Variants in PDE11A observed in about 807,000 individuals in gnomAD.
PDE11A encodes the protein phosphodiesterase 11A, also known as dual 3',5'-cyclic-AMP and -GMP phosphodiesterase 11A.
In PDE11A, 100 loss-of-function variants were observed where a neutral mutation model predicts 100.5. The ratio of observed to expected loss-of-function variants is 1.00; its 90% CI spans 0.85 to 1.18. The LOEUF (loss-of-function observed/expected upper bound fraction) is 1.18, where lower values mean the gene tolerates loss of function less well. Ranked by LOEUF, PDE11A falls within the 50% of genes most tolerant of loss-of-function variation. The probability of loss-of-function intolerance (pLI) is 0.00; values close to 1 mark genes in which losing one functional copy is unlikely to be tolerated. For missense variants in PDE11A, 1,141 were observed against 1,152.6 expected, an observed-to-expected ratio of 0.99 and a Z score of 0.15; for synonymous variants, 381 against 420.8, an observed-to-expected ratio of 0.91 and a Z score of 1.16.
chr2:178,051,552 A>C (rs1034914324), intron 1 of PDE11A, among the ~76,000 whole-genome samples: 1 of 152,222 alleles, frequency 6.6e-6, no homozygotes, highest in South Asian at 2.1e-4. Flanking sequence ...ATTAAAAGAC[A>C]CAGACTGGCA....
chr2:177,774,975 T>C (rs990141185), intron 9 of PDE11A, among the ~76,000 whole-genome samples: 1 of 152,132 alleles, frequency 6.6e-6, no homozygotes, highest in African/African-American at 2.4e-5. Context: ...GGGGTCCTTA[T>C]AAGTGAAAGA....
chr2:177,962,748 T>C (rs1300789338), intron 2 of PDE11A, among the ~76,000 whole-genome samples: 1 of 152,106 alleles, frequency 6.6e-6, no homozygotes, highest in Non-Finnish European at 1.5e-5. Context: ...GCAGCTTGAC[T>C]CCTATTTCAG....
At chr2:177,714,962 CA>C (rs1403016493) in intron 12 of PDE11A, among the ~76,000 whole-genome samples, 1 of 152,188 alleles carries the variant, frequency 6.6e-6, no homozygotes, top group African/African-American at 2.4e-5. Flanking sequence ...CACCGTCATT[CA>C]GGGGGTTCCT....
intron 2 of PDE11A, among the ~76,000 whole-genome samples, chr2:177,930,434 A>C (rs2085190240): frequency 6.6e-6 from 1 of 152,200 alleles, no homozygotes; most frequent in South Asian, 2.1e-4. Flanking sequence ...ATAGACCAAA[A>C]AAAAAAAAGT....
intron 2 of PDE11A, among the ~76,000 whole-genome samples, chr2:177,958,880 A>C (rs982379331): frequency 2.6e-5 from 4 of 152,224 alleles, no homozygotes; most frequent in African/African-American, 9.6e-5. Flanking sequence ...CTGAATTAAT[A>C]GATTGACTAA....
At chr2:177,729,350 C>T (rs1239348257) in intron 10 of PDE11A, among the ~76,000 whole-genome samples, 1 of 152,116 alleles carries the variant, frequency 6.6e-6, no homozygotes, top group East Asian at 1.9e-4. Flanking sequence ...TTTCTCCAGT[C>T]TAGACCAACT....
intron 4 of PDE11A, among the ~76,000 whole-genome samples, chr2:177,894,452 T>C (rs1052478783): frequency 1.4e-4 from 22 of 152,120 alleles, no homozygotes; most frequent in African/African-American, 5.3e-4. Context: ...ATTCTCACTA[T>C]AAACTAAAAA....
chr2:177,787,910 G>A (rs1182089739), intron 9 of PDE11A, among the ~76,000 whole-genome samples: 1 of 152,142 alleles, frequency 6.6e-6, no homozygotes, highest in Non-Finnish European at 1.5e-5. Flanking sequence ...GACCTACAAA[G>A]AGACTTAGAC....
chr2:177,759,953 C>G (rs558545579), intron 10 of PDE11A, among the ~76,000 whole-genome samples: 1 of 152,244 alleles, frequency 6.6e-6, no homozygotes, highest in African/African-American at 2.4e-5. Flanking sequence ...CCCAAAATGT[C>G]AAAATGCCAC....
chr2:178,013,877 A>AT (rs1414997199), intron 2 of PDE11A, among the ~76,000 whole-genome samples: 2 of 152,180 alleles, frequency 1.3e-5, no homozygotes, highest in East Asian at 3.8e-4. Context: ...TTTTATTGAG[A>AT]TTTTTATATA....
chr2:178,030,358 C>A (rs1396288549), intron 1 of PDE11A, among the ~76,000 whole-genome samples: 1 of 151,940 alleles, frequency 6.6e-6, no homozygotes, highest in East Asian at 1.9e-4. Context: ...ATAAAGAGTC[C>A]TATAAGCTTT....
chr2:177,742,335 A>G (rs2081884208), intron 10 of PDE11A, among the ~76,000 whole-genome samples: 1 of 152,078 alleles, frequency 6.6e-6, no homozygotes, highest in Admixed American at 6.5e-5. Context: ...CACCCCATCT[A>G]GCTCTACGGA....
chr2:177,786,644 A>G (rs1306893140), intron 9 of PDE11A, among the ~76,000 whole-genome samples: 1 of 152,094 alleles, frequency 6.6e-6, no homozygotes, highest in Non-Finnish European at 1.5e-5. Flanking sequence ...CTTTGAAAAA[A>G]ATTTAGACTA....
intron 2 of PDE11A, among the ~76,000 whole-genome samples, chr2:177,981,144 G>A (rs2085876177): frequency 6.6e-6 from 1 of 150,594 alleles, no homozygotes; most frequent in South Asian, 2.1e-4. Flanking sequence ...AGTATCTTGG[G>A]AAGATAATAA....
At chr2:178,028,184 C>T (rs1005355467) in intron 1 of PDE11A, among the ~76,000 whole-genome samples, 2 of 152,028 alleles carry the variant, frequency 1.3e-5, no homozygotes, top group Non-Finnish European at 2.9e-5. Context: ...CTTCCTTCTC[C>T]ATTCCCAGGC....
chr2:177,652,406 C>T (rs1015301181), intron 19 of PDE11A, among the ~76,000 whole-genome samples: 1 of 151,826 alleles, frequency 6.6e-6, no homozygotes. Flanking sequence ...AGCACAGGCA[C>T]GGGGTGTGGA....
In PDE11A at chr2:178,071,606, C is replaced by A; in HGVS notation, c.832G>T (p.Val278Leu). The part of the protein sequence containing the change: ...PCSSTENSNE[V>L]QVPWGKGIIG... ...ATACCTTTGCCCCAGGGGACCTGCA[C>A]CTCATTTGAGTTCTCTGTGCTGCTG... Residue 278 changes from valine to leucine, a missense_variant, in exon 1 of 20, where the codon GTG becomes TTG. Coordinates refer to ENST00000286063, the MANE Select transcript of PDE11A (RefSeq NM_016953.4). The A allele has an allele frequency of 6.2e-7, 1 of 1,614,022 alleles. No homozygotes were observed. Among genetic ancestry groups the A allele is most frequent in the Non-Finnish European group, 8.5e-7 (1 of 1,179,904 alleles).
chr2:177,939,037 A>G (rs2105770731), intron 2 of PDE11A, among the ~76,000 whole-genome samples: 1 of 152,344 alleles, frequency 6.6e-6, no homozygotes, highest in Middle Eastern at 3.4e-3. Context: ...TCTAGCCTCT[A>G]GAACCGTGAG....
At chr2:177,852,682 A>T (rs2083735477) in intron 5 of PDE11A, among the ~76,000 whole-genome samples, 1 of 152,202 alleles carries the variant, frequency 6.6e-6, no homozygotes, top group Non-Finnish European at 1.5e-5. Flanking sequence ...TAATGGCTTA[A>T]GTATATCTTT....
Sources: gnomAD v4.1 joint callset for allele counts (sites outside exome capture counted in the v4.1 genomes callset) on GRCh38, gnomAD v4.1.1 for gene constraint, MANE v1.5 for transcripts, NCBI Gene and HGNC (gene_info 2026-07-23, HGNC 2026-07-21) for gene names.